ANKRD6: variants seen among roughly 807,000 people sequenced by gnomAD.
The protein encoded by ANKRD6 is ankyrin repeat domain 6.
In ANKRD6, 56 loss-of-function variants were observed where a neutral mutation model predicts 82.3. The observed-to-expected ratio is 0.68, with a 90% CI of 0.55 to 0.85. The LOEUF (loss-of-function observed/expected upper bound fraction) is 0.85, where lower values mean the gene tolerates loss of function less well. Ranked by LOEUF, ANKRD6 falls within the 40% of genes least tolerant of loss-of-function variation. ANKRD6 has a pLI of 0.00. For missense variants in ANKRD6, 852 were observed against 907.6 expected (o/e 0.94, Z 0.79); for synonymous variants, 347 against 352.1 (o/e 0.99, Z 0.16).
chr6:89,504,901 G>C (rs981286741), intron 1 of ANKRD6: 1 of 152,220 alleles, frequency 6.6e-6, no homozygotes, highest in Non-Finnish European at 1.5e-5. Flanking sequence ...GCACGTCACA[G>C]AACTCCTGAC....
chr6:89,478,756 CAAA>C (rs139491926), intron 1 of ANKRD6, among the ~76,000 whole-genome samples: 7 of 107,980 alleles, frequency 6.5e-5, no homozygotes, highest in Non-Finnish European at 9.8e-5. Context: ...GACTCTGTCT[CAAA>C]AAAAAAAAAA....
At chr6:89,567,622 A>G (rs1273967514) in intron 2 of ANKRD6, among the ~76,000 whole-genome samples, 2 of 152,238 alleles carry the variant, frequency 1.3e-5, no homozygotes, top group East Asian at 1.9e-4. Flanking sequence ...ACTATGAAAG[A>G]TAAGAGACCA....
chr6:89,445,581 G>A (rs781539986), intron 1 of ANKRD6, among the ~76,000 whole-genome samples: 12 of 152,046 alleles, frequency 7.9e-5, no homozygotes, highest in Non-Finnish European at 1.8e-4. Context: ...TGAGTAGCTG[G>A]GACTACAGGT....
In ANKRD6 at chr6:89,630,706, C is replaced by G. The variant is rs767070668; in HGVS notation, c.1886C>G (p.Thr629Arg). ...AAGAAGTCTGGGAAGAGTGGGCCAACAAGGCATCGTGCCCAGCAACCCGCA... is the reference window on the plus strand; with the variant it reads ...AAGAAGTCTGGGAAGAGTGGGCCAAGAAGGCATCGTGCCCAGCAACCCGCA... ...QTKKSGKSGP[T>R]RHRAQQPAAS... is the part of the protein sequence containing the mutation. Residue 629 changes from threonine (T) to arginine (R), a missense_variant, in exon 16 of 16, where the codon ACA (threonine) becomes AGA (arginine). Physicochemically the swap from Thr to Arg is moderately conservative, Grantham distance 71. Transcript: ENST00000339746. The G allele has an allele frequency of 9.9e-6, 16 of 1,613,962 alleles. No homozygotes were observed. The Middle Eastern group carries it at 4.9e-4, about 50-fold the overall frequency.
intron 1 of ANKRD6, among the ~76,000 whole-genome samples, chr6:89,527,026 G>T (rs1001806718): frequency 3.3e-5 from 5 of 152,266 alleles, no homozygotes; most frequent in Admixed American, 1.3e-4. Context: ...AAACATCCTT[G>T]CACACATACC....
intron 2 of ANKRD6, among the ~76,000 whole-genome samples, chr6:89,594,001 G>A (rs773297994): frequency 2.0e-5 from 3 of 152,218 alleles, no homozygotes; most frequent in Non-Finnish European, 4.4e-5. Context: ...CACAAGGAGA[G>A]GAACACGCTG....
chr6:89,619,328 G>A (rs1191206591), intron 9 of ANKRD6, among the ~76,000 whole-genome samples: 1 of 152,146 alleles, frequency 6.6e-6, no homozygotes, highest in Non-Finnish European at 1.5e-5. Flanking sequence ...ATAAACGTCA[G>A]AACCCATCAC....
In ANKRD6 at chr6:89,567,249, A is replaced by T. The variant is rs80181409; in HGVS notation, c.120+153A>T. The stretch of plus-strand genomic sequence containing the variant: ...TTGGGGAGAAGGAGGATTATTAAGA[A>T]TGCTTTTGTTGCCATCTTTCAAGTG... On this transcript the variant is annotated intron_variant, in intron 2 of 15. Transcript: ENST00000339746. Among the ~76,000 whole-genome samples the T allele has an allele frequency of 2.3e-3, 353 of 152,334 alleles. 1 individual carries two copies. Among genetic ancestry groups the T allele is most frequent in the African/African-American group, 8.2e-3 (342 of 41,580 alleles).
chr6:89,511,904 C>G (rs965021311), intron 1 of ANKRD6, among the ~76,000 whole-genome samples: 3 of 151,974 alleles, frequency 2.0e-5, no homozygotes, highest in African/African-American at 7.3e-5. Context: ...ACAGCAGAGA[C>G]CAAAGAACCT....
Position 89,629,096 on chromosome 6 carries a change from TG to T in ANKRD6, c.1486-15del. 1.3e-6 allele frequency: 2 copies of T among 1,567,306 alleles called. No homozygotes were observed. Among genetic ancestry groups the T allele is most frequent in the Non-Finnish European group, 1.7e-6 (2 of 1,147,900 alleles). The stretch of plus-strand genomic sequence containing the variant: ...CTTCTATGTACTTATTTGTGGGGTT[TG>T]TTTTTTTTTTTAAGATATCCTTGGT... On this transcript the variant is annotated splice_polypyrimidine_tract_variant and intron_variant, in intron 14 of 15. Coordinates refer to ENST00000339746, the MANE Select transcript of ANKRD6 (RefSeq NM_001242809.2).
rs780694454 is a variant in ANKRD6 at position 89,603,082 on chromosome 6, C to T, written c.273C>T (p.Ile91=). Reference sequence around the variant, plus strand: ...CAGTGGTGGGGAACACGGAGATCATCGCGGCGCTCATCCACGAAGGGTGTG... The same window carrying T: ...CAGTGGTGGGGAACACGGAGATCATTGCGGCGCTCATCCACGAAGGGTGTG... ...RATVVGNTEI[I]AALIHEGCAL... The change falls in exon 4 of 16, where the codon ATC becomes ATT. Residue 91 remains isoleucine, a synonymous_variant. Coordinates refer to ENST00000339746, the MANE Select transcript of ANKRD6 (RefSeq NM_001242809.2). 1.1e-5 allele frequency: 18 copies of T among 1,608,596 alleles called. No individual in the cohort carries two copies. The highest frequency in any genetic ancestry group is 6.7e-5 in the East Asian group (3 of 44,654).
At chr6:89,483,638 G>T (rs560166541) in intron 1 of ANKRD6, 1 of 152,346 alleles carries the variant, frequency 6.6e-6, no homozygotes, top group Non-Finnish European at 1.5e-5. Flanking sequence ...GCATGGAGTG[G>T]GAGTGTTCTC....
intron 1 of ANKRD6, among the ~76,000 whole-genome samples, chr6:89,512,679 G>T (rs969347559): frequency 1.1e-4 from 17 of 152,296 alleles, no homozygotes; most frequent in African/African-American, 3.9e-4. Context: ...CATGGAATTG[G>T]ATTCCCTGGA....
At chr6:89,534,944 C>T (rs1208368834) in intron 1 of ANKRD6, among the ~76,000 whole-genome samples, 2 of 152,176 alleles carry the variant, frequency 1.3e-5, no homozygotes, top group Non-Finnish European at 2.9e-5. Flanking sequence ...ACCCTCCCAC[C>T]TGAATTTGCA....
intron 1 of ANKRD6, among the ~76,000 whole-genome samples, chr6:89,477,320 A>G (rs1776166793): frequency 6.6e-6 from 1 of 152,118 alleles, no homozygotes; most frequent in Non-Finnish European, 1.5e-5. Context: ...CCAGTCATCT[A>G]TAATTCCATC....
intron 9 of ANKRD6, chr6:89,621,333 A>C (rs1803213354): frequency 6.5e-6 from 1 of 154,640 alleles, no homozygotes; most frequent in Non-Finnish European, 1.4e-5. Context: ...TTCTGTGTCC[A>C]TTCTGTCACT....
chr6:89,576,712 C>T (rs1791186753), intron 2 of ANKRD6, among the ~76,000 whole-genome samples: 1 of 152,106 alleles, frequency 6.6e-6, no homozygotes, highest in African/African-American at 2.4e-5. Flanking sequence ...TTGGGTCTGT[C>T]AGCTCTGCCT....
chr6:89,469,250 A>G (rs1196243574), intron 1 of ANKRD6, among the ~76,000 whole-genome samples: 2 of 152,192 alleles, frequency 1.3e-5, no homozygotes, highest in African/African-American at 4.8e-5. Flanking sequence ...CCCTACCGTG[A>G]TGCCTTTCAT....
At chr6:89,436,851 A>T (rs528700322) in intron 1 of ANKRD6, among the ~76,000 whole-genome samples, 11 of 152,290 alleles carry the variant, frequency 7.2e-5, no homozygotes, top group South Asian at 6.2e-4. Context: ...CATTATCTCT[A>T]TTTCCCAGCT....
Sources: allele counts gnomAD v4.1 joint callset (sites outside exome capture counted in the v4.1 genomes callset), GRCh38; gene constraint gnomAD v4.1.1; transcripts MANE v1.5; gene names NCBI Gene and HGNC (gene_info 2026-07-23, HGNC 2026-07-21).